The following OR10K1 variants were observed in gnomAD, a reference collection of about 807,000 sequenced individuals.
OR10K1 encodes olfactory receptor 10K1.
For synonymous variants in OR10K1, 186 were observed against 152.5 expected (o/e 1.22, Z -1.62); for missense variants, 404 against 373.3 (o/e 1.08, Z -0.68).
At position 158,466,087 on chromosome 1, in the gene OR10K1, C is replaced by T. The variant is rs1185451298; in HGVS notation, c.526C>T (p.His176Tyr). Residue 176 changes from histidine to tyrosine, a missense_variant, in exon 2 of 2, where the codon CAC becomes TAC. Transcript: ENST00000641535. ...CTTCCACTCCTCCAACCAGCTCCAT[C>T]ACTTCTTCTGTGACATCTCCCCTGT... ...LPFHSSNQLHHFFCDISPVLK... is the reference protein window; with the variant it reads ...LPFHSSNQLHYFFCDISPVLK... 1.2e-6 allele frequency: 2 copies of T among 1,614,034 alleles called. No homozygotes were observed. The highest frequency in any genetic ancestry group is 4.5e-5 in the East Asian group (2 of 44,878).
At chr1:158,462,664 T>C (rs963574227) in intron 1 of OR10K1, among the ~76,000 whole-genome samples, 1 of 152,214 alleles carries the variant, frequency 6.6e-6, no homozygotes, top group Non-Finnish European at 1.5e-5. Flanking sequence ...CTTTATTATC[T>C]GAAGCTGCTT....
chr1:158,465,714 G>A lies in OR10K1; in HGVS notation c.153G>A (p.Leu51=). ...CAATCATCATTTCCACCATTGTGCT[G>A]GACAGAGCCCTTCATACTCCCATGT... ...TNAIIISTIV[L]DRALHTPMYF... is the part of the protein sequence containing the mutation. Residue 51 remains leucine (L), a synonymous_variant, in exon 2 of 2, where the codon CTG becomes CTA. Transcript: ENST00000641535. The A allele has an allele frequency of 6.2e-7, 1 of 1,614,112 alleles. No homozygotes were observed. The highest frequency in any genetic ancestry group is 8.5e-7 in the Non-Finnish European group (1 of 1,180,018).
At chr1:158,465,347 A>AG (rs1320134282) in intron 1 of OR10K1, 59 bp from the exon 2 acceptor site, 4 of 585,760 alleles carry the variant, frequency 6.8e-6, no homozygotes, top group African/African-American at 1.9e-5. Flanking sequence ...ACATTAGAGA[A>AG]GGCCTCCAAA....
Position 158,466,105 on chromosome 1 carries a change from T to C in OR10K1, c.544T>C (p.Ser182Pro). The change falls in exon 2 of 2, where the codon TCC becomes CCC. Residue 182 changes from serine (S) to proline (P), a missense_variant. Coordinates refer to ENST00000641535, the MANE Select transcript of OR10K1 (RefSeq NM_001004473.2). ...GCTCCATCACTTCTTCTGTGACATC[T>C]CCCCTGTCCTTAAACTGGCATCTCA... ...NQLHHFFCDI[S>P]PVLKLASQHS... The C allele has an allele frequency of 6.2e-7, 1 of 1,613,920 alleles. No homozygotes were observed. The highest frequency in any genetic ancestry group is 8.5e-7 in the Non-Finnish European group (1 of 1,179,930).
intron 1 of OR10K1, among the ~76,000 whole-genome samples, chr1:158,463,605 C>CAAG (rs1168494225): frequency 6.6e-6 from 1 of 152,148 alleles, no homozygotes; most frequent in African/African-American, 2.4e-5. Context: ...CATATTCAGT[C>CAAG]AAGTGAGGGC....
Position 158,466,207 on chromosome 1 carries a change from G to A in OR10K1, c.646G>A (p.Val216Ile), listed in dbSNP as rs773922654. Residue 216 changes from valine to isoleucine, a missense_variant, in exon 2 of 2, where the codon GTC (valine) becomes ATC (isoleucine). Coordinates refer to ENST00000641535, the MANE Select transcript of OR10K1 (RefSeq NM_001004473.2). The part of the protein sequence containing the change: ...ALVIPLLLIL[V>I]SYIRIISAIL... ...GGTCATTCCTCTGCTACTTATCCTA[G>A]TCTCCTACATCCGCATCATCTCTGC... The A allele has an allele frequency of 1.2e-6, 2 of 1,613,936 alleles. No homozygotes were observed. The highest frequency in any genetic ancestry group is 1.7e-6 in the Non-Finnish European group (2 of 1,180,030).
At chr1:158,464,557 A>T (rs1296585838) in intron 1 of OR10K1, among the ~76,000 whole-genome samples, 1 of 152,190 alleles carries the variant, frequency 6.6e-6, no homozygotes, top group Non-Finnish European at 1.5e-5. Context: ...AAAGTCAGTC[A>T]TCTCTCTTTA....
chr1:158,464,845 T>C (rs570299043), intron 1 of OR10K1, among the ~76,000 whole-genome samples: 10 of 152,132 alleles, frequency 6.6e-5, no homozygotes, highest in South Asian at 4.1e-4. Flanking sequence ...GACCAGGTTT[T>C]GCCATGTTGC....
At position 158,462,549 on chromosome 1, in the gene OR10K1, T is replaced by A. The variant is rs575417972; in HGVS notation, c.-157+645T>A. 3.3e-4 allele frequency among the ~76,000 whole-genome samples: 50 copies of A among 152,262 alleles called. No homozygotes were observed. The East Asian group carries it at 9.1e-3, about 28-fold the overall frequency. The stretch of plus-strand genomic sequence containing the variant: ...TTTCTGCTGTGTACTCCTGGATGTA[T>A]AATTTTAGGTATAATTGAAATCTAG... On this transcript the variant is annotated intron_variant, in intron 1 of 1. Coordinates refer to ENST00000641535, the MANE Select transcript of OR10K1 (RefSeq NM_001004473.2).
Position 158,465,660 on chromosome 1 carries a change from C to G in OR10K1, c.99C>G (p.Leu33=). Residue 33 remains leucine, a synonymous_variant, in exon 2 of 2, where the codon CTC becomes CTG. Transcript: ENST00000641535. ...LQQLLFVIFL[L]LYLFTLGTNA... ...AGCTGCTCTTTGTTATCTTCCTGCT[C>G]CTCTACCTGTTCACTCTGGGCACCA... 1 of 1,614,180 alleles carries G rather than the reference C, an allele frequency of 6.2e-7. No homozygotes were observed. The highest frequency in any genetic ancestry group is 8.5e-7 in the Non-Finnish European group (1 of 1,180,026).
Position 158,466,528 on chromosome 1 carries a change from G to A in OR10K1, c.*25G>A, listed in dbSNP as rs754601011. 19 of 1,407,880 alleles carry A rather than the reference G, an allele frequency of 1.3e-5. No homozygotes were observed. Among genetic ancestry groups the A allele is most frequent in the South Asian group, 1.2e-5 (1 of 86,122 alleles). 87.2% of individuals were successfully genotyped at this position (1,407,880 alleles called of 1,614,324 possible). ...AAGAGCTATTTTTTAAACTACTAAT[G>A]CCTAGTACATGCCAGGCAGAACGTG... On this transcript the variant is annotated 3_prime_UTR_variant, in exon 2 of 2. Transcript: ENST00000641535.
Position 158,466,406 on chromosome 1 carries a change from C to A in OR10K1, c.845C>A (p.Thr282Asn), listed in dbSNP as rs1344781701. The A allele has an allele frequency of 1.9e-6, 3 of 1,613,624 alleles. No individual in the cohort carries two copies. The highest frequency in any genetic ancestry group is 2.2e-5 in the South Asian group (2 of 91,042). Residue 282 changes from threonine (T) to asparagine (N), a missense_variant, in exon 2 of 2, where the codon ACC (threonine) becomes AAC (asparagine). Transcript: ENST00000641535. ...TLISVSYTIL[T>N]PLFNPMIYSL... ...ATATCTGTGTCATACACCATCCTTA[C>A]CCCATTGTTCAATCCAATGATTTAT...
intron 1 of OR10K1, 85 bp from the exon 2 acceptor site, chr1:158,465,321 A>G (rs1656010619): frequency 1.8e-6 from 1 of 556,158 alleles, no homozygotes; most frequent in African/African-American, 1.9e-5. Flanking sequence ...TTGGTCAGAG[A>G]GATAACCTGT....
chr1:158,465,978 G>C lies in OR10K1; in HGVS notation c.417G>C (p.Gly139=). The C allele has an allele frequency of 3.7e-6, 6 of 1,614,046 alleles. No homozygotes were observed. The highest frequency in any genetic ancestry group is 2.2e-5 in the East Asian group (1 of 44,864). The change falls in exon 2 of 2, where the codon GGG becomes GGC. Residue 139 remains glycine (G), a synonymous_variant. Coordinates refer to ENST00000641535, the MANE Select transcript of OR10K1 (RefSeq NM_001004473.2). The part of the protein sequence containing the change: ...PLRYSVLMGH[G]VCMGLMAAAC... ...GCTACTCAGTGCTCATGGGACATGG[G>C]GTGTGTATGGGACTAATGGCTGCTG...
chr1:158,462,661 A>C (rs1245263769), intron 1 of OR10K1, among the ~76,000 whole-genome samples: 1 of 152,214 alleles, frequency 6.6e-6, no homozygotes, highest in East Asian at 1.9e-4. Flanking sequence ...CTCCTTTATT[A>C]TCTGAAGCTG....
Position 158,465,522 on chromosome 1 carries a change from C to T in OR10K1, c.-40C>T, listed in dbSNP as rs768263505. ...CACTCTCCTTTCTGGATCCTGGTTTCTACCTCTGTCCCTGACTCTCCTTTA... is the reference window on the plus strand; with the variant it reads ...CACTCTCCTTTCTGGATCCTGGTTTTTACCTCTGTCCCTGACTCTCCTTTA... On this transcript the variant is annotated 5_prime_UTR_variant, in exon 2 of 2. Transcript: ENST00000641535. 9.9e-6 allele frequency: 15 copies of T among 1,509,300 alleles called. No individual in the cohort carries two copies. Among genetic ancestry groups the T allele is most frequent in the Non-Finnish European group, 1.4e-5 (15 of 1,097,928 alleles). 93.5% of individuals were successfully genotyped at this position (1,509,300 alleles called of 1,614,324 possible). A position where few individuals can be genotyped will look rare whatever the true frequency, so the allele number is the denominator to read the frequency against.
At chr1:158,465,369 T>G in intron 1 of OR10K1, 37 bp from the exon 2 acceptor site, 1 of 600,808 alleles carries the variant, frequency 1.7e-6, no homozygotes, top group East Asian at 2.8e-5. Flanking sequence ...TGGCTATCAG[T>G]TATTCTTTTG....
intron 1 of OR10K1, among the ~76,000 whole-genome samples, chr1:158,463,001 T>TC (rs1342201716): frequency 6.6e-6 from 1 of 152,120 alleles, no homozygotes; most frequent in Admixed American, 6.5e-5. Context: ...CTCCTAGGGG[T>TC]CATAGTACTC....
rs761562577 is a variant in OR10K1 at position 158,466,001 on chromosome 1, C to T, written c.440C>T (p.Ala147Val). The change falls in exon 2 of 2, where the codon GCT becomes GTT. Residue 147 changes from alanine (A) to valine (V), a missense_variant. Transcript: ENST00000641535. ...GHGVCMGLMA[A>V]ACACGFTVSL... ...GGGGTGTGTATGGGACTAATGGCTG[C>T]TGCCTGTGCCTGTGGCTTCACTGTC... is the stretch of plus-strand genomic sequence containing the variant. 1 of 1,613,540 alleles carries T rather than the reference C, an allele frequency of 6.2e-7. No individual in the cohort carries two copies. Among genetic ancestry groups the T allele is most frequent in the African/African-American group, 1.3e-5 (1 of 74,912 alleles).
Sources: gnomAD v4.1 joint callset for allele counts (sites outside exome capture counted in the v4.1 genomes callset) on GRCh38, gnomAD v4.1.1 for gene constraint, MANE v1.5 for transcripts, NCBI Gene and HGNC (gene_info 2026-07-23, HGNC 2026-07-21) for gene names.